AK5: variants seen among roughly 807,000 people sequenced by gnomAD.
AK5 encodes adenylate kinase isoenzyme 5.
AK5 carries 27 observed loss-of-function variants against 69.5 expected under a neutral mutation model. The observed-to-expected ratio is 0.39, with a 90% CI of 0.29 to 0.54. AK5 has a LOEUF of 0.54. Ranked by LOEUF, AK5 falls within the 20% of genes least tolerant of loss-of-function variation. The probability of loss-of-function intolerance (pLI) is 0.71; values close to 1 mark genes in which losing one functional copy is unlikely to be tolerated. For synonymous variants in AK5, 260 were observed against 244.4 expected (o/e 1.06, Z -0.60); for missense variants, 531 against 700.4 (o/e 0.76, Z 2.73).
intron 11 of AK5, among the ~76,000 whole-genome samples, chr1:77,519,885 C>T (rs189338966): frequency 6.6e-6 from 1 of 152,236 alleles, no homozygotes; most frequent in East Asian, 1.9e-4. Context: ...CTTGTACTGA[C>T]CTCCTATCTC....
At chr1:77,400,168 G>A in intron 6 of AK5, among the ~76,000 whole-genome samples, 1 of 152,118 alleles carries the variant, frequency 6.6e-6, no homozygotes, top group South Asian at 2.1e-4. Flanking sequence ...GATTCTTGGG[G>A]GTCCATCCTA....
chr1:77,408,584 TTGCTC>T (rs1649816514), intron 6 of AK5, among the ~76,000 whole-genome samples: 1 of 152,116 alleles, frequency 6.6e-6, no homozygotes, highest in African/African-American at 2.4e-5. Flanking sequence ...GGTTGTGTGT[TTGCTC>T]TGTTGGTAGT....
chr1:77,334,075 A>G (rs1042913647), intron 5 of AK5, among the ~76,000 whole-genome samples: 27 of 152,088 alleles, frequency 1.8e-4, no homozygotes, highest in Non-Finnish European at 2.8e-4. Context: ...CCAACTTTCT[A>G]TCCTGGATCA....
chr1:77,311,387 C>T (rs940263011), intron 5 of AK5, among the ~76,000 whole-genome samples: 1 of 152,116 alleles, frequency 6.6e-6, no homozygotes, highest in Non-Finnish European at 1.5e-5. Flanking sequence ...ATTATAGCAT[C>T]AGCGAAGTAT....
chr1:77,379,972 C>T (rs1465633379), intron 6 of AK5, among the ~76,000 whole-genome samples: 10 of 152,176 alleles, frequency 6.6e-5, no homozygotes. Flanking sequence ...AGCATCTCAA[C>T]AGCTTGCAGG....
intron 5 of AK5, among the ~76,000 whole-genome samples, chr1:77,327,211 A>T (rs1660849350): frequency 6.6e-6 from 1 of 152,030 alleles, no homozygotes; most frequent in Non-Finnish European, 1.5e-5. Flanking sequence ...AACCAGGAAG[A>T]CCCTATCTCT....
chr1:77,367,221 T>A (rs1317736861), intron 6 of AK5, among the ~76,000 whole-genome samples: 1 of 151,388 alleles, frequency 6.6e-6, no homozygotes, highest in African/African-American at 2.4e-5. Flanking sequence ...AGATTTGGGG[T>A]TTTTTTTGGG....
chr1:77,465,714 C>T (rs1397047228), intron 8 of AK5, among the ~76,000 whole-genome samples: 2 of 152,206 alleles, frequency 1.3e-5, no homozygotes, highest in African/African-American at 2.4e-5. Context: ...GGTTCTAGCA[C>T]TGGATGTGAC....
At chr1:77,520,202 C>CA (rs377135288) in intron 11 of AK5, among the ~76,000 whole-genome samples, 2,790 of 110,482 alleles carry the variant, frequency 0.025, 96 homozygotes, top group African/African-American at 0.083. Flanking sequence ...AACTCCATCT[C>CA]AAAAAAAAAA....
chr1:77,511,443 A>G (rs753745826), intron 10 of AK5, among the ~76,000 whole-genome samples: 3 of 152,212 alleles, frequency 2.0e-5, no homozygotes, highest in Non-Finnish European at 2.9e-5. Context: ...AGAAACATCA[A>G]TGTTTTGAAA....
At position 77,539,979 on chromosome 1, in the gene AK5, CA is replaced by C. The variant is rs1557663274; in HGVS notation, c.1620+3942del. Among the ~76,000 whole-genome samples, 4 of 152,312 alleles carry C rather than the reference CA, an allele frequency of 2.6e-5. No homozygotes were observed. In the East Asian group the frequency reaches 5.8e-4, roughly 22 times the overall value. On this transcript the variant is annotated intron_variant, in intron 13 of 13. Transcript: ENST00000354567. ...GAGATTTATTTAGGAATTAAAGCCA[CA>C]GGGGGGGCCAACCCATGCAGCCCAC...
At chr1:77,338,722 A>G (rs1661495189) in intron 5 of AK5, among the ~76,000 whole-genome samples, 1 of 152,222 alleles carries the variant, frequency 6.6e-6, no homozygotes, top group Non-Finnish European at 1.5e-5. Context: ...AAAACAACAA[A>G]ATAAAAAATA....
chr1:77,319,258 T>C (rs1354146160), intron 5 of AK5, among the ~76,000 whole-genome samples: 3 of 152,190 alleles, frequency 2.0e-5, no homozygotes, highest in Non-Finnish European at 4.4e-5. Flanking sequence ...TCTGATCTCC[T>C]ACTGATGCTT....
At chr1:77,483,866 T>A (rs960572409) in intron 9 of AK5, among the ~76,000 whole-genome samples, 1 of 152,222 alleles carries the variant, frequency 6.6e-6, no homozygotes, top group African/African-American at 2.4e-5. Context: ...TTTTGTCATA[T>A]TAAAAGTTTT....
chr1:77,396,846 C>G (rs772526099), intron 6 of AK5, among the ~76,000 whole-genome samples: 1 of 152,162 alleles, frequency 6.6e-6, no homozygotes, highest in Admixed American at 6.5e-5. Context: ...GAAAGTGTTA[C>G]GTTGTGATTG....
At chr1:77,448,852 A>G (rs1034654331) in intron 8 of AK5, among the ~76,000 whole-genome samples, 3 of 152,174 alleles carry the variant, frequency 2.0e-5, no homozygotes, top group African/African-American at 7.2e-5. Flanking sequence ...AGGTGCCACC[A>G]TGTTCCCTGG....
At chr1:77,370,675 C>T (rs1647103896) in intron 6 of AK5, among the ~76,000 whole-genome samples, 1 of 152,148 alleles carries the variant, frequency 6.6e-6, no homozygotes, top group African/African-American at 2.4e-5. Context: ...GTCTCTTGTA[C>T]TGGAAAGTCA....
intron 13 of AK5, among the ~76,000 whole-genome samples, chr1:77,549,276 C>A (rs1659692959): frequency 6.6e-6 from 1 of 151,756 alleles, no homozygotes; most frequent in South Asian, 2.1e-4. Context: ...ATGGTAAATT[C>A]TTTTTTTTAT....
At chr1:77,386,861 A>T (rs1648067757) in intron 6 of AK5, among the ~76,000 whole-genome samples, 1 of 151,606 alleles carries the variant, frequency 6.6e-6, no homozygotes. Flanking sequence ...CACCCTTCCC[A>T]GTCTCTATTA....
Sources: allele counts gnomAD v4.1 joint callset (sites outside exome capture counted in the v4.1 genomes callset), GRCh38; gene constraint gnomAD v4.1.1; transcripts MANE v1.5; gene names NCBI Gene and HGNC (gene_info 2026-07-23, HGNC 2026-07-21).